Variants in MED14 observed in about 807,000 individuals in gnomAD.
The protein encoded by MED14 is mediator of RNA polymerase II transcription subunit 14.
Under a neutral mutation model 109.0 loss-of-function variants are expected in MED14, and 8 were observed. That is an observed-to-expected ratio of 0.07 (90% CI 0.04 to 0.13). MED14 has a LOEUF of 0.13. Among genes scored for constraint, MED14 ranks in the 10% least tolerant of loss-of-function variants. MED14 has a pLI of 1.00. For missense variants in MED14, 711 were observed against 1,142.4 expected, an observed-to-expected ratio of 0.62 and a Z score of 5.44; for synonymous variants, 399 against 408.7, an observed-to-expected ratio of 0.98 and a Z score of 0.29.
At chrX:40,728,719 C>T (rs1456187250) in intron 2 of MED14, among the ~76,000 whole-genome samples, 1 of 111,937 alleles carries the variant, frequency 8.9e-6, no homozygotes, top group Non-Finnish European at 1.9e-5. Context: ...TCCAACTGAA[C>T]CAAAATGTTA....
At chrX:40,658,989 G>A (rs1458033936) in intron 28 of MED14, among the ~76,000 whole-genome samples, 1 of 112,074 alleles carries the variant, frequency 8.9e-6, no homozygotes, top group African/African-American at 3.2e-5. Context: ...AGGGGACAGG[G>A]ATAGCTAGAC....
chrX:40,680,610 G>T (rs1028629117), intron 20 of MED14, 148 bp downstream of exon 20: 117 of 456,452 alleles, frequency 2.6e-4, no homozygotes, highest in Non-Finnish European at 3.9e-4. Context: ...TAGAGACAGG[G>T]TTTTGCCACA....
At position 40,679,993 on chromosome X, in the gene MED14, G is replaced by A. The variant is rs777235413; in HGVS notation, c.2751C>T (p.Ala917=). ...LPQSSTHIRL[A]FRNMYCIDIY... ...TATCAATGCAATACATGTTCCTGAA[G>A]GCCAGTCTGATGTGGGTGGACGACT... is the stretch of plus-strand genomic sequence containing the variant. The change falls in exon 21 of 31, where the codon GCC becomes GCT. Residue 917 remains alanine (A), a synonymous_variant. Transcript: ENST00000324817. 6 of 1,210,823 alleles carry A rather than the reference G, an allele frequency of 5.0e-6. No homozygotes were observed. The highest frequency in any genetic ancestry group is 3.5e-5 in the South Asian group (2 of 56,967).
At chrX:40,731,173 T>C (rs1357339542) in intron 1 of MED14, among the ~76,000 whole-genome samples, 1 of 106,947 alleles carries the variant, frequency 9.4e-6, no homozygotes, top group African/African-American at 3.4e-5. Flanking sequence ...AACCTAGGTC[T>C]CTAAAAAGTC....
intron 23 of MED14, among the ~76,000 whole-genome samples, chrX:40,670,212 G>C (rs1246079342): frequency 8.9e-6 from 1 of 112,120 alleles, no homozygotes; most frequent in African/African-American, 3.2e-5. Context: ...CAACAAGACA[G>C]ATTACAATGG....
rs760712285 is a variant in MED14, at chrX:40,677,186, C to A, written c.2881-1825G>T. 4.5e-5 allele frequency among the ~76,000 whole-genome samples: 5 copies of A among 111,962 alleles called. No homozygotes were observed. In the South Asian group the frequency reaches 1.5e-3, roughly 33 times the overall value. On this transcript the variant is annotated intron_variant, in intron 21 of 30. Coordinates refer to ENST00000324817, the MANE Select transcript of MED14 (RefSeq NM_004229.4). ...AAGTCTACATAAATTTGAGAATACT[C>A]GTTTTTTCATTTGACTTTCCCAATA...
At position 40,650,995 on chromosome X, in the gene MED14, C is replaced by A. The variant is rs1188303119; in HGVS notation, c.*811G>T. On this transcript the variant is annotated 3_prime_UTR_variant, in exon 31 of 31. Transcript: ENST00000324817. ...CATTATTTGGGATCCTTGATCAATACGAACCACATACTGTCCCTTCTCAAA... is the reference window on the plus strand; with the variant it reads ...CATTATTTGGGATCCTTGATCAATAAGAACCACATACTGTCCCTTCTCAAA... The A allele has an allele frequency of 1.3e-6, 1 of 752,034 alleles. No individual in the cohort carries two copies. 62.0% of individuals were successfully genotyped at this position (752,034 alleles called of 1,213,427 possible).
chrX:40,693,568 C>T (rs1930612794), intron 13 of MED14, among the ~76,000 whole-genome samples: 1 of 111,309 alleles, frequency 9.0e-6, no homozygotes, highest in Non-Finnish European at 1.9e-5. Flanking sequence ...ATTGTCCAGT[C>T]TCAGGTATTT....
Position 40,676,322 on chromosome X carries a change from T to G in MED14, c.2881-961A>C, listed in dbSNP as rs530124618. Among the ~76,000 whole-genome samples the G allele has an allele frequency of 7.1e-5, 8 of 111,949 alleles. No individual in the cohort carries two copies. In the South Asian group the frequency reaches 3.0e-3, roughly 41 times the overall value. On this transcript the variant is annotated intron_variant, in intron 21 of 30. Transcript: ENST00000324817. The stretch of plus-strand genomic sequence containing the variant: ...ACAGTCTACTTTTAATTAAAGATGA[T>G]GGGCTCACAACACACATTGCATTCT...
chrX:40,728,886 C>T (rs1931985956), intron 2 of MED14, among the ~76,000 whole-genome samples: 2 of 109,907 alleles, frequency 1.8e-5, no homozygotes, highest in African/African-American at 3.3e-5. Flanking sequence ...GGCGTGACCT[C>T]GGCTCACTGC....
intron 19 of MED14, 129 bp from the exon 20 acceptor site, chrX:40,681,039 A>T (rs950078932): frequency 4.2e-6 from 2 of 473,896 alleles, no homozygotes; most frequent in African/African-American, 4.8e-5. Flanking sequence ...AAAACAAGCA[A>T]TAAAATAAGA....
intron 16 of MED14, among the ~76,000 whole-genome samples, chrX:40,683,756 G>A (rs762682601): frequency 9.0e-6 from 1 of 111,533 alleles, no homozygotes; most frequent in Non-Finnish European, 1.9e-5. Context: ...TCCCCACTTT[G>A]CCACCTCCTC....
chrX:40,654,223 G>T (rs6610449), intron 30 of MED14, 141 bp downstream of exon 30: 7,683 of 488,375 alleles, frequency 0.016, 270 homozygotes, highest in Admixed American at 0.15. Flanking sequence ...GACATTAAGA[G>T]GGCCACGGCA....
At chrX:40,728,665 C>T (rs1273995771) in intron 2 of MED14, among the ~76,000 whole-genome samples, 2 of 111,603 alleles carry the variant, frequency 1.8e-5, no homozygotes, top group African/African-American at 3.3e-5. Context: ...TTCCTTTGGC[C>T]TCTGGAAACA....
chrX:40,650,557 C>A lies in MED14; in HGVS notation c.*1249G>T, dbSNP rs1472148207. ...GTCGGTAGAAGACCTTTGCATCAGA[C>A]CATGTTCTTTGAAGCTTAAAAAAGT... On this transcript the variant is annotated 3_prime_UTR_variant, in exon 31 of 31. Transcript: ENST00000324817. 22 of 752,097 alleles carry A rather than the reference C, an allele frequency of 2.9e-5. No individual in the cohort carries two copies. Among genetic ancestry groups the A allele is most frequent in the Non-Finnish European group, 3.3e-5 (21 of 639,009 alleles). The allele number at this position is 752,097 out of a possible 1,213,427, so 62.0% of individuals were successfully genotyped here.
rs749256725 is a variant in MED14 at position 40,654,534 on chromosome X, G to A, written c.4121C>T (p.Ser1374Leu). 6.6e-6 allele frequency: 8 copies of A among 1,210,645 alleles called. No homozygotes were observed. The highest frequency in any genetic ancestry group is 5.9e-5 in the East Asian group (2 of 33,846). ...ACTAACAGGTTCTTGGGGAGGGACC[G>A]ATGTTTTCTGAGTTAGTTGAAGCTG... is the stretch of plus-strand genomic sequence containing the variant. ...LFFLQLTQKT[S>L]VPPQEPVSII... Residue 1374 changes from serine (S) to leucine (L), a missense_variant, in exon 30 of 31, where the codon TCG (serine) becomes TTG (leucine). Ser to Leu is a moderately radical substitution (Grantham distance 145, BLOSUM62 -2). Transcript: ENST00000324817.
In MED14 at chrX:40,650,027, G is replaced by T. The variant is rs939056978; in HGVS notation, c.*1779C>A. 1 of 741,005 alleles carries T rather than the reference G, an allele frequency of 1.3e-6. No homozygotes were observed. The highest frequency in any genetic ancestry group is 2.3e-5 in the African/African-American group (1 of 43,150). 61.1% of individuals were successfully genotyped at this position (741,005 alleles called of 1,213,427 possible). A position where few individuals can be genotyped will look rare whatever the true frequency, so the allele number is the denominator to read the frequency against. On this transcript the variant is annotated 3_prime_UTR_variant, in exon 31 of 31. Transcript: ENST00000324817. The stretch of plus-strand genomic sequence containing the variant: ...TTATTTGAAACAATATTATCCTGCA[G>T]ATAAAAATACATTTCTTGTATATAC...
At chrX:40,681,742 C>T (rs1930117671) in intron 19 of MED14, 110 bp downstream of exon 19, 12 of 416,155 alleles carry the variant, frequency 2.9e-5, no homozygotes, top group South Asian at 5.0e-5. Context: ...CCATTTTATC[C>T]CTAACTTTTA....
intron 2 of MED14, among the ~76,000 whole-genome samples, chrX:40,727,201 G>T: frequency 8.9e-6 from 1 of 111,772 alleles, no homozygotes. Flanking sequence ...GAGGAGTTAT[G>T]AATTATAAGT....
Sources: allele counts gnomAD v4.1 joint callset (sites outside exome capture counted in the v4.1 genomes callset), GRCh38; gene constraint gnomAD v4.1.1; transcripts MANE v1.5; gene names NCBI Gene and HGNC (gene_info 2026-07-23, HGNC 2026-07-21).